MORN1: variants seen among roughly 807,000 people sequenced by gnomAD.
MORN1 encodes the protein MORN repeat-containing protein 1.
Under a neutral mutation model 61.9 loss-of-function variants are expected in MORN1, and 67 were observed. The ratio of observed to expected loss-of-function variants is 1.08; its 90% CI spans 0.89 to 1.33. The LOEUF (loss-of-function observed/expected upper bound fraction) is 1.33. Ranked by LOEUF, MORN1 falls within the 40% of genes most tolerant of loss-of-function variation. The pLI, the probability that MORN1 is intolerant of heterozygous loss-of-function variation, is 0.00. For synonymous variants in MORN1, 301 were observed against 292.0 expected (o/e 1.03, Z -0.31); for missense variants, 752 against 691.2 (o/e 1.09, Z -0.99).
At chr1:2,387,555 G>C (rs750940568) in intron 3 of MORN1, 26 bp from the exon 4 acceptor site, 13 of 1,551,926 alleles carry the variant, frequency 8.4e-6, no homozygotes, top group Non-Finnish European at 1.2e-5. Context: ...GAGGAGGGGA[G>C]ACAGGAGGTT....
rs572660241 is a variant in MORN1, at chr1:2,324,048, C to T, written c.1297+49G>A. The T allele has an allele frequency of 9.0e-5, 140 of 1,562,372 alleles. No homozygotes were observed. The East Asian group carries it at 2.2e-3, about 24-fold the overall frequency. ...CCAGCCCTGGGCTGCGGCCTCGCCT[C>T]TCCAGACAGTGGCACAGCCGGCGAT... On this transcript the variant is annotated intron_variant, in intron 13 of 13. Transcript: ENST00000378531.
At chr1:2,325,642 A>ATT (rs529341445) in intron 12 of MORN1, among the ~76,000 whole-genome samples, 6 of 124,992 alleles carry the variant, frequency 4.8e-5, no homozygotes, top group Middle Eastern at 4.2e-3. Flanking sequence ...GCCTTTGTTG[A>ATT]TTTTTTTTTT....
chr1:2,387,677 T>C, intron 3 of MORN1, 148 bp from the exon 4 acceptor site: 4 of 636,306 alleles, frequency 6.3e-6, no homozygotes, highest in Non-Finnish European at 8.5e-6. Context: ...GTCTGCTTCA[T>C]GAGGGAAAAC....
chr1:2,347,955 C>T (rs952169919), intron 10 of MORN1, among the ~76,000 whole-genome samples: 15 of 152,298 alleles, frequency 9.8e-5, no homozygotes, highest in African/African-American at 2.9e-4. Flanking sequence ...TTTTACAAAC[C>T]GGGAAGTTTT....
At chr1:2,323,370 C>G in intron 13 of MORN1, 1 of 985,450 alleles carries the variant, frequency 1.0e-6, no homozygotes, top group Non-Finnish European at 1.2e-6. Context: ...CAGCCTTTGG[C>G]TCTCCAGCCA....
Position 2,357,198 on chromosome 1 carries a change from C to G in MORN1, c.1036+234G>C, listed in dbSNP as rs1162176891. Among the ~76,000 whole-genome samples, 1 of 152,174 alleles carries G rather than the reference C, an allele frequency of 6.6e-6. No individual in the cohort carries two copies. Among genetic ancestry groups the G allele is most frequent in the Non-Finnish European group, 1.5e-5 (1 of 68,012 alleles). On this transcript the variant is annotated intron_variant, in intron 10 of 13. Transcript: ENST00000378531. The surrounding 1 kb of genome is among the most constrained non-coding windows in gnomAD (Gnocchi z 6.3). Reference sequence around the variant, plus strand: ...TGAGGACCCCACGAGGCTGCAGCCCCTGCCAGGCTCACGGCAGACGAACAA... The same window carrying G: ...TGAGGACCCCACGAGGCTGCAGCCCGTGCCAGGCTCACGGCAGACGAACAA...
At chr1:2,356,704 C>T (rs1191426693) in intron 10 of MORN1, among the ~76,000 whole-genome samples, 1 of 152,228 alleles carries the variant, frequency 6.6e-6, no homozygotes, top group Admixed American at 6.5e-5. Flanking sequence ...CTCAGTCCGG[C>T]ACTGAGACGC....
At position 2,327,087 on chromosome 1, in the gene MORN1, G is replaced by GACACAGAAAC. The variant is rs534557344; in HGVS notation, c.1251-2954_1251-2945dup. On this transcript the variant is annotated intron_variant, in intron 12 of 13. Transcript: ENST00000378531. ...ACAGAAACACAGAAACAAACACAGA[G>GACACAGAAAC]ACACAGAAACACACAGAAACACACA... is the stretch of plus-strand genomic sequence containing the variant. Among the ~76,000 whole-genome samples, 1,232 of 149,176 alleles carry GACACAGAAAC rather than the reference G, an allele frequency of 8.3e-3. 11 individuals are homozygous for GACACAGAAAC. The highest frequency in any genetic ancestry group is 0.013 in the African/African-American group (512 of 40,302).
rs140866260 is a variant in MORN1, at chr1:2,363,805, C to CAAACAAAAAAA, written c.746-5091_746-5090insTTTTTTTGTTT. 2.1e-3 allele frequency among the ~76,000 whole-genome samples: 256 copies of CAAACAAAAAAA among 124,802 alleles called. 1 individual carries two copies. Among genetic ancestry groups the CAAACAAAAAAA allele is most frequent in the Non-Finnish European group, 2.9e-3 (180 of 61,024 alleles). The allele number at this position is 124,802 out of a possible 152,430, so 81.9% of individuals were successfully genotyped here. ...TTAGAAAAACAAACAAACAAACAAACAAAAAAATATATATATATATAAAAA... is the reference window on the plus strand; with the variant it reads ...TTAGAAAAACAAACAAACAAACAAACAAACAAAAAAAAAAAAAATATATATATATATAAAAA... On this transcript the variant is annotated intron_variant, in intron 8 of 13. Transcript: ENST00000378531.
chr1:2,326,078 T>C (rs1349321886), intron 12 of MORN1: 1 of 152,150 alleles, frequency 6.6e-6, no homozygotes, highest in East Asian at 1.9e-4. Flanking sequence ...TTCCTGTCAC[T>C]TGTGGCTCAA....
chr1:2,359,481 T>C (rs1226464986), intron 8 of MORN1, among the ~76,000 whole-genome samples: 1 of 151,974 alleles, frequency 6.6e-6, no homozygotes, highest in Non-Finnish European at 1.5e-5. Flanking sequence ...CGGAGCTGGG[T>C]GTTCAGCCAC....
At chr1:2,351,981 C>T in intron 10 of MORN1, 2 of 516,556 alleles carry the variant, frequency 3.9e-6, no homozygotes, top group Non-Finnish European at 7.4e-6. Context: ...AGTAGGCATG[C>T]CCCCTCCAGG....
intron 12 of MORN1, among the ~76,000 whole-genome samples, chr1:2,324,888 C>A (rs1319428186): frequency 2.0e-5 from 3 of 151,886 alleles, no homozygotes; most frequent in Non-Finnish European, 4.4e-5. Context: ...CATGGCCAGG[C>A]AGGATCTGGG....
chr1:2,384,493 C>A (rs1323535115), intron 6 of MORN1, among the ~76,000 whole-genome samples: 1 of 152,220 alleles, frequency 6.6e-6, no homozygotes, highest in Non-Finnish European at 1.5e-5. Context: ...GGAGAAGCTC[C>A]CTTTTGTAAG....
At chr1:2,323,054 C>A in intron 13 of MORN1, 1 of 985,450 alleles carries the variant, frequency 1.0e-6, no homozygotes, top group Non-Finnish European at 1.2e-6. Context: ...GCACATAAAC[C>A]CTGGCCGAGC....
intron 2 of MORN1, among the ~76,000 whole-genome samples, chr1:2,388,814 G>C (rs1400186721): frequency 7.4e-6 from 1 of 135,836 alleles, no homozygotes; most frequent in Non-Finnish European, 1.6e-5. Context: ...AGAGAGAGAA[G>C]AAAACTAGGC....
At chr1:2,382,135 C>T (rs1642385945) in intron 6 of MORN1, among the ~76,000 whole-genome samples, 1 of 152,194 alleles carries the variant, frequency 6.6e-6, no homozygotes, top group African/African-American at 2.4e-5. Context: ...ACAAAGCTGT[C>T]CATGGTCCTC....
intron 1 of MORN1, chr1:2,390,392 A>G: frequency 2.1e-6 from 2 of 974,574 alleles, no homozygotes; most frequent in Non-Finnish European, 2.4e-6. Context: ...ACAGGGGAGG[A>G]GCAGACTCTC....
rs919375425 is a variant in MORN1 at position 2,329,992 on chromosome 1, C to T, written c.1251-5849G>A. On this transcript the variant is annotated intron_variant, in intron 12 of 13. Coordinates refer to ENST00000378531, the MANE Select transcript of MORN1 (RefSeq NM_024848.3). Reference sequence around the variant, plus strand: ...GGAGCTCCGGGTGAGGGGGGAGCTCCGGGTGAGGGGGGACCCTGGCCTGTG... The same window carrying T: ...GGAGCTCCGGGTGAGGGGGGAGCTCTGGGTGAGGGGGGACCCTGGCCTGTG... Among the ~76,000 whole-genome samples, 23 of 152,120 alleles carry T rather than the reference C, an allele frequency of 1.5e-4. 1 individual carries two copies. The highest frequency in any genetic ancestry group is 5.6e-4 in the African/African-American group (23 of 41,422).
Sources: allele counts gnomAD v4.1 joint callset (sites outside exome capture counted in the v4.1 genomes callset), GRCh38; gene constraint gnomAD v4.1.1; non-coding constraint Gnocchi (gnomAD v3.1); transcripts MANE v1.5; gene names NCBI Gene and HGNC (gene_info 2026-07-23, HGNC 2026-07-21).